Variants in RP1L1 observed in about 807,000 individuals in gnomAD.
RP1L1 encodes the protein RP1 like 1.
RP1L1 carries 27 observed loss-of-function variants against 15.7 expected under a neutral mutation model. The ratio of observed to expected loss-of-function variants is 1.72; its 90% CI spans 1.27 to 2.38. The LOEUF (loss-of-function observed/expected upper bound fraction) is 2.38. Among genes scored for constraint, RP1L1 ranks in the 30% most tolerant of loss-of-function variants. The probability of loss-of-function intolerance (pLI) is 0.00; values close to 1 mark genes in which losing one functional copy is unlikely to be tolerated. For missense variants in RP1L1, 4,798 were observed against 3,075.9 expected, an observed-to-expected ratio of 1.56 and a Z score of -13.24; for synonymous variants, 1,813 against 1,276.7, an observed-to-expected ratio of 1.42 and a Z score of -8.96.
At chr8:10,626,051 A>G (rs1220226889) in intron 1 of RP1L1, among the ~76,000 whole-genome samples, 6 of 152,038 alleles carry the variant, frequency 3.9e-5, no homozygotes, top group African/African-American at 1.4e-4. Context: ...GCAAAAGGAG[A>G]AAAAATAGAA....
chr8:10,627,102 T>C (rs1257437194), intron 1 of RP1L1, among the ~76,000 whole-genome samples: 1 of 151,932 alleles, frequency 6.6e-6, no homozygotes, highest in African/African-American at 2.4e-5. Context: ...AAGCATAGAA[T>C]TGCCACATGA....
At chr8:10,637,311 T>C (rs1260055140) in intron 1 of RP1L1, among the ~76,000 whole-genome samples, 1 of 152,156 alleles carries the variant, frequency 6.6e-6, no homozygotes, top group Non-Finnish European at 1.5e-5. Flanking sequence ...CAGGATTTCC[T>C]CCAGTATTTA....
chr8:10,636,270 G>A (rs1006621003), intron 1 of RP1L1, among the ~76,000 whole-genome samples: 18 of 152,310 alleles, frequency 1.2e-4, no homozygotes, highest in African/African-American at 4.3e-4. Context: ...TCTGGGGCCG[G>A]TGACTCTTGC....
intron 1 of RP1L1, among the ~76,000 whole-genome samples, chr8:10,636,346 C>T (rs919799329): frequency 1.3e-5 from 2 of 152,202 alleles, no homozygotes; most frequent in Non-Finnish European, 2.9e-5. Context: ...GGCGGCCAGA[C>T]CCGTCAGCAT....
intron 2 of RP1L1, among the ~76,000 whole-genome samples, chr8:10,618,259 G>T (rs556404050): frequency 6.6e-6 from 1 of 152,144 alleles, no homozygotes; most frequent in Non-Finnish European, 1.5e-5. Context: ...CAGCACTTTG[G>T]GGGGCCGAGG....
intron 2 of RP1L1, 128 bp from the exon 3 acceptor site, chr8:10,616,715 T>C (rs1427803848): frequency 2.7e-6 from 3 of 1,120,574 alleles, no homozygotes; most frequent in Admixed American, 2.8e-5. Context: ...CCCAGACTCC[T>C]GGTCCAAGGA....
chr8:10,635,427 C>T (rs1450548578), intron 1 of RP1L1, among the ~76,000 whole-genome samples: 3 of 152,260 alleles, frequency 2.0e-5, no homozygotes, highest in Non-Finnish European at 2.9e-5. Context: ...GCACTTTCTG[C>T]TCTCCCAGGT....
At chr8:10,646,579 T>A (rs1586002678) in intron 1 of RP1L1, among the ~76,000 whole-genome samples, 1 of 152,092 alleles carries the variant, frequency 6.6e-6, no homozygotes, top group East Asian at 1.9e-4. Flanking sequence ...GGATAACACT[T>A]CCGCTTGGCC....
chr8:10,606,465 T>G lies in RP1L1; in HGVS notation c.*430A>C. 1 of 179,812 alleles carries G rather than the reference T, an allele frequency of 5.6e-6. No homozygotes were observed. Among genetic ancestry groups the G allele is most frequent in the South Asian group, 1.3e-4 (1 of 7,746 alleles). 11.1% of individuals were successfully genotyped at this position (179,812 alleles called of 1,614,324 possible). ...AGAAAAAAAGCACCTCAAAGTCAAATGAGGTGAGTGCCAACAGAAGCCAAG... is the reference window on the plus strand; with the variant it reads ...AGAAAAAAAGCACCTCAAAGTCAAAGGAGGTGAGTGCCAACAGAAGCCAAG... On this transcript the variant is annotated 3_prime_UTR_variant, in exon 4 of 4. Coordinates refer to ENST00000382483, the MANE Select transcript of RP1L1 (RefSeq NM_178857.6).
chr8:10,644,764 G>A (rs1226199889), intron 1 of RP1L1, among the ~76,000 whole-genome samples: 1 of 152,156 alleles, frequency 6.6e-6, no homozygotes, highest in Non-Finnish European at 1.5e-5. Context: ...GCCAGGGCTC[G>A]CCCTGCAGAG....
chr8:10,607,651 C>G lies in RP1L1; in HGVS notation c.6447G>C (p.Glu2149Asp). The change falls in exon 4 of 4, where the codon GAG becomes GAC. Residue 2149 changes from glutamate to aspartate, a missense_variant. Physicochemically the swap from Glu to Asp is conservative, Grantham distance 45. Transcript: ENST00000382483. ...GGGCCTCCCCTTCTGCATCCTGGGC[C>G]TCTACACCTTCTGACTCAGGCTGGG... The part of the protein sequence containing the change: ...GEAQPESEGV[E>D]AQDAEGEAQP... 1.9e-6 allele frequency: 3 copies of G among 1,588,420 alleles called. No homozygotes were observed. The South Asian group carries it at 3.4e-5, about 18-fold the overall frequency.
At position 10,623,120 on chromosome 8, in the gene RP1L1, T is replaced by C. The variant is rs373256297; in HGVS notation, c.82A>G (p.Thr28Ala). 4 of 1,612,250 alleles carry C rather than the reference T, an allele frequency of 2.5e-6. 1 individual carries two copies. Among genetic ancestry groups the C allele is most frequent in the Non-Finnish European group, 3.4e-6 (4 of 1,179,130 alleles). ...LPSVARTPSV[T>A]KVTPAKKITF... ...ATCTTCTTGGCTGGCGTGACCTTGG[T>C]GACCGAGGGGGTGCGAGCCACAGAG... The change falls in exon 2 of 4, where the codon ACC (threonine) becomes GCC (alanine). Residue 28 changes from threonine to alanine, a missense_variant. Coordinates refer to ENST00000382483, the MANE Select transcript of RP1L1 (RefSeq NM_178857.6).
intron 1 of RP1L1, among the ~76,000 whole-genome samples, chr8:10,648,697 G>T (rs4841404): frequency 0.51 from 77,853 of 152,200 alleles, 23,481 homozygotes; most frequent in African/African-American, 0.85. Flanking sequence ...ATGAGATCCA[G>T]TTGGCCTTGC....
Position 10,607,252 on chromosome 8 carries a change from G to A in RP1L1, c.6846C>T (p.Ser2282=), listed in dbSNP as rs760535995. ...VPEDRPTPPP[S]PGGDTPHQRP... ...TTTGGTGGGGAGTGTCTCCACCTGG[G>A]GAAGGGGGTGGAGTGGGCCTGTCCT... The change falls in exon 4 of 4, where the codon TCC becomes TCT. Residue 2282 remains serine (S), a synonymous_variant. Coordinates refer to ENST00000382483, the MANE Select transcript of RP1L1 (RefSeq NM_178857.6). 2 of 1,614,162 alleles carry A rather than the reference G, an allele frequency of 1.2e-6. No homozygotes were observed. The highest frequency in any genetic ancestry group is 2.2e-5 in the East Asian group (1 of 44,886).
At position 10,606,779 on chromosome 8, in the gene RP1L1, CT is replaced by C. The variant is rs1797709382; in HGVS notation, c.*115del. ...GCTGTGTCCTTGGCAAGTCCTTGGT[CT>C]TTGTCCATGTACTATGGACATCTCC... On this transcript the variant is annotated 3_prime_UTR_variant, in exon 4 of 4. Transcript: ENST00000382483. The C allele has an allele frequency of 6.5e-7, 1 of 1,547,658 alleles. No homozygotes were observed. The highest frequency in any genetic ancestry group is 8.7e-7 in the Non-Finnish European group (1 of 1,150,586).
In RP1L1 at chr8:10,609,427, C is replaced by G; in HGVS notation, c.4671G>C (p.Ala1557=). The part of the protein sequence containing the change: ...LQDNDLLDQM[A]AELQQDVAQR... The stretch of plus-strand genomic sequence containing the variant: ...GGGCCACGTCCTGCTGCAGCTCGGC[C>G]GCCATCTGGTCCAGCAGATCATTGT... The change falls in exon 4 of 4, where the codon GCG becomes GCC. Residue 1557 remains alanine (A), a synonymous_variant. Transcript: ENST00000382483. The G allele has an allele frequency of 6.2e-7, 1 of 1,612,352 alleles. No individual in the cohort carries two copies. Among genetic ancestry groups the G allele is most frequent in the Non-Finnish European group, 8.5e-7 (1 of 1,179,942 alleles).
chr8:10,611,034 G>A lies in RP1L1; in HGVS notation c.3064C>T (p.Pro1022Ser). 2 of 1,612,784 alleles carry A rather than the reference G, an allele frequency of 1.2e-6. No individual in the cohort carries two copies. The highest frequency in any genetic ancestry group is 1.7e-6 in the Non-Finnish European group (2 of 1,180,000). The change falls in exon 4 of 4, where the codon CCA becomes TCA. Residue 1022 changes from proline to serine, a missense_variant. Physicochemically the swap from Pro to Ser is moderately conservative, Grantham distance 74. Coordinates refer to ENST00000382483, the MANE Select transcript of RP1L1 (RefSeq NM_178857.6). Reference protein sequence around the residue: ...QSLEGDPGQDPEPEGALLGSS... With the variant: ...QSLEGDPGQDSEPEGALLGSS... ...CCCAGGAGGGCTCCCTCTGGCTCTG[G>A]GTCCTGGCCGGGGTCCCCTTCCAGG...
chr8:10,621,539 T>C (rs1175140386), intron 2 of RP1L1: 1 of 355,440 alleles, frequency 2.8e-6, no homozygotes, highest in Non-Finnish European at 5.6e-6. Flanking sequence ...TTGGCCAGGC[T>C]GATCTCGAAC....
At chr8:10,637,446 A>G (rs1470250534) in intron 1 of RP1L1, among the ~76,000 whole-genome samples, 2 of 152,186 alleles carry the variant, frequency 1.3e-5, no homozygotes, top group African/African-American at 2.4e-5. Context: ...AGGAATAAAC[A>G]TAGCAATAAA....
Sources: gnomAD v4.1 joint callset for allele counts (sites outside exome capture counted in the v4.1 genomes callset) on GRCh38, gnomAD v4.1.1 for gene constraint, MANE v1.5 for transcripts, NCBI Gene and HGNC (gene_info 2026-07-23, HGNC 2026-07-21) for gene names.